TRAM1: variants seen among roughly 807,000 people sequenced by gnomAD.
TRAM1 encodes translocating chain-associated membrane protein 1.
In TRAM1, 17 loss-of-function variants were observed where a neutral mutation model predicts 48.7. That is an observed-to-expected ratio of 0.35 (90% confidence interval 0.24 to 0.52). The LOEUF (loss-of-function observed/expected upper bound fraction) is 0.52. Among genes scored for constraint, TRAM1 ranks in the 20% least tolerant of loss-of-function variants. TRAM1 has a pLI of 0.94. For synonymous variants in TRAM1, 182 were observed against 154.0 expected, an observed-to-expected ratio of 1.18 and a Z score of -1.34; for missense variants, 351 against 441.5, an observed-to-expected ratio of 0.79 and a Z score of 1.84.
At chr8:70,582,289 ATTTT>A (rs749411995) in intron 10 of TRAM1, among the ~76,000 whole-genome samples, 1 of 143,214 alleles carries the variant, frequency 7.0e-6, no homozygotes, top group Non-Finnish European at 1.5e-5. Context: ...AGGTTGTATA[ATTTT>A]TTTTTTTTTT....
At chr8:70,589,261 T>C (rs937545491) in intron 6 of TRAM1, among the ~76,000 whole-genome samples, 1 of 152,190 alleles carries the variant, frequency 6.6e-6, no homozygotes, top group African/African-American at 2.4e-5. Flanking sequence ...AAATAGACGG[T>C]CTTAAGATCC....
At position 70,574,633 on chromosome 8, in the gene TRAM1, G is replaced by GTAAA. The variant is rs1397673933; in HGVS notation, c.*295_*298dup. The GTAAA allele has an allele frequency of 4.2e-6, 1 of 239,682 alleles. No homozygotes were observed. Among genetic ancestry groups the GTAAA allele is most frequent in the African/African-American group, 2.3e-5 (1 of 42,982 alleles). The allele number at this position is 239,682 out of a possible 1,614,324, so 14.8% of individuals were successfully genotyped here. A position where few individuals can be genotyped will look rare whatever the true frequency, so the allele number is the denominator to read the frequency against. On this transcript the variant is annotated 3_prime_UTR_variant, in exon 11 of 11. Coordinates refer to ENST00000262213, the MANE Select transcript of TRAM1 (RefSeq NM_014294.6). ...TGTATCACTGATATGTGGAATTTTT[G>GTAAA]TAAATAGTTTTCTCTCCAAATCATT... is the stretch of plus-strand genomic sequence containing the variant.
At chr8:70,588,785 C>T (rs1304804401) in intron 6 of TRAM1, among the ~76,000 whole-genome samples, 3 of 152,186 alleles carry the variant, frequency 2.0e-5, no homozygotes, top group African/African-American at 7.2e-5. Context: ...ACTAATGAAA[C>T]ACCTATACCT....
At chr8:70,575,379 T>C (rs1816924595) in intron 10 of TRAM1, among the ~76,000 whole-genome samples, 1 of 152,176 alleles carries the variant, frequency 6.6e-6, no homozygotes, top group African/African-American at 2.4e-5. Context: ...TTAGGATAAT[T>C]TCTATGTGGA....
intron 4 of TRAM1, 34 bp downstream of exon 4, chr8:70,597,861 G>A: frequency 6.9e-7 from 1 of 1,452,202 alleles, no homozygotes; most frequent in East Asian, 2.4e-5. Context: ...CTTAGATAAG[G>A]AAGGAGAACA....
intron 6 of TRAM1, among the ~76,000 whole-genome samples, chr8:70,589,465 G>A (rs1817301214): frequency 6.6e-6 from 1 of 152,174 alleles, no homozygotes; most frequent in African/African-American, 2.4e-5. Flanking sequence ...ATATGCCAGT[G>A]TTTCCCAGTG....
chr8:70,585,463 G>T (rs1415894481), intron 8 of TRAM1, among the ~76,000 whole-genome samples: 1 of 151,678 alleles, frequency 6.6e-6, no homozygotes, highest in South Asian at 2.1e-4. Flanking sequence ...CACAGCAAAA[G>T]AAACTACCAT....
chr8:70,582,333 G>C (rs1817096732), intron 10 of TRAM1, among the ~76,000 whole-genome samples: 1 of 150,290 alleles, frequency 6.7e-6, no homozygotes, highest in Admixed American at 6.6e-5. Context: ...GCCCAGGCTG[G>C]AGTGTAGTAG....
intron 10 of TRAM1, among the ~76,000 whole-genome samples, chr8:70,578,549 C>T (rs1035492532): frequency 6.6e-5 from 10 of 152,206 alleles, no homozygotes; most frequent in African/African-American, 2.4e-4. Context: ...GGGAGGACTG[C>T]TTGAGCCCAC....
At chr8:70,601,419 T>C (rs1406270139) in intron 1 of TRAM1, among the ~76,000 whole-genome samples, 3 of 152,206 alleles carry the variant, frequency 2.0e-5, no homozygotes, top group African/African-American at 7.2e-5. Context: ...CTAGAGTAGG[T>C]CATTTCCTTT....
chr8:70,603,560 T>C (rs1817655774), intron 1 of TRAM1, among the ~76,000 whole-genome samples: 1 of 151,982 alleles, frequency 6.6e-6, no homozygotes, highest in African/African-American at 2.4e-5. Flanking sequence ...CTATTAAAAA[T>C]ACAAAAATTA....
intron 10 of TRAM1, among the ~76,000 whole-genome samples, chr8:70,582,637 A>C (rs1331104730): frequency 6.6e-6 from 1 of 152,156 alleles, no homozygotes; most frequent in African/African-American, 2.4e-5. Flanking sequence ...TCTAAGCCTA[A>C]TACCACATAC....
In TRAM1 at chr8:70,608,244, G is replaced by A; in HGVS notation, c.-45C>T. The A allele has an allele frequency of 6.5e-7, 1 of 1,539,712 alleles. No homozygotes were observed. Among genetic ancestry groups the A allele is most frequent in the Non-Finnish European group, 8.7e-7 (1 of 1,148,590 alleles). The stretch of plus-strand genomic sequence containing the variant: ...CCTGCAGGTGCTCCGCCCCGGTTCT[G>A]CTCTTCCCAGCTGCTCACCGACTCG... On this transcript the variant is annotated 5_prime_UTR_variant, in exon 1 of 11. Transcript: ENST00000262213.
intron 1 of TRAM1, among the ~76,000 whole-genome samples, chr8:70,602,677 G>T (rs976514529): frequency 2.0e-5 from 3 of 152,166 alleles, no homozygotes; most frequent in African/African-American, 7.2e-5. Context: ...GAGATGGCCA[G>T]GGAAAGTAAA....
intron 1 of TRAM1, among the ~76,000 whole-genome samples, 153 bp from the exon 2 acceptor site, chr8:70,600,235 G>C (rs1817578615): frequency 6.6e-6 from 1 of 152,174 alleles, no homozygotes. Context: ...GGAAATTACT[G>C]ATTGCCAAGG....
At chr8:70,591,637 C>T (rs1387966934) in intron 6 of TRAM1, among the ~76,000 whole-genome samples, 1 of 152,216 alleles carries the variant, frequency 6.6e-6, no homozygotes, top group African/African-American at 2.4e-5. Context: ...CATTTCTTGA[C>T]TACTCTATAC....
intron 1 of TRAM1, chr8:70,607,322 C>T (rs936975892): frequency 3.0e-6 from 3 of 985,312 alleles, no homozygotes; most frequent in Non-Finnish European, 3.6e-6. Flanking sequence ...TTACTCGATT[C>T]CTTGGCACCG....
intron 10 of TRAM1, among the ~76,000 whole-genome samples, chr8:70,575,494 A>G (rs1816927417): frequency 6.6e-6 from 1 of 152,026 alleles, no homozygotes; most frequent in African/African-American, 2.4e-5. Context: ...TCATGGCTCA[A>G]TGCAGTCTTG....
intron 4 of TRAM1, among the ~76,000 whole-genome samples, chr8:70,596,843 A>AT (rs1817497715): frequency 6.6e-6 from 1 of 151,758 alleles, no homozygotes; most frequent in South Asian, 2.1e-4. Flanking sequence ...AAAAGATTAA[A>AT]AAATAAATAA....
Sources: allele counts gnomAD v4.1 joint callset (sites outside exome capture counted in the v4.1 genomes callset), GRCh38; gene constraint gnomAD v4.1.1; transcripts MANE v1.5; gene names NCBI Gene and HGNC (gene_info 2026-07-23, HGNC 2026-07-21).